The following VAV2 variants were observed in gnomAD, a reference collection of about 807,000 sequenced individuals.
VAV2 encodes the protein vav guanine nucleotide exchange factor 2, also known as guanine nucleotide exchange factor VAV2.
Under a neutral mutation model 132.5 loss-of-function variants are expected in VAV2, and 67 were observed. That is an observed-to-expected ratio of 0.51 (90% CI 0.42 to 0.62). VAV2 has a LOEUF of 0.62. Ranked by LOEUF, VAV2 falls within the 20% of genes least tolerant of loss-of-function variation. The pLI, the probability that VAV2 is intolerant of heterozygous loss-of-function variation, is 0.00. For synonymous variants in VAV2, 492 were observed against 443.5 expected (o/e 1.11, Z -1.37); for missense variants, 938 against 1,153.6 (o/e 0.81, Z 2.71).
rs1271186125 is a variant in VAV2, at chr9:133,884,075, C to T, written c.322-22643G>A. Among the ~76,000 whole-genome samples the T allele has an allele frequency of 6.7e-6, 1 of 149,622 alleles. No individual in the cohort carries two copies. Among genetic ancestry groups the T allele is most frequent in the Non-Finnish European group, 1.5e-5 (1 of 67,996 alleles). On this transcript the variant is annotated intron_variant, in intron 2 of 29. Coordinates refer to ENST00000371850, the MANE Select transcript of VAV2 (RefSeq NM_001134398.2). This position sits in a 1 kb window ranked among gnomAD's most constrained non-coding sequence, Gnocchi z 5.3. ...ACTTGAACCCGGGAGGCGGAGGTTG[C>T]AGCGAGGCGGAGGTTGCAGTGAGCT...
chr9:133,828,761 T>C (rs868473919), intron 4 of VAV2, among the ~76,000 whole-genome samples: 4 of 152,168 alleles, frequency 2.6e-5, no homozygotes, highest in Admixed American at 1.3e-4. Context: ...AATAGCACAA[T>C]ACGCTGGACT....
intron 2 of VAV2, among the ~76,000 whole-genome samples, chr9:133,878,994 T>A (rs1213382767): frequency 6.6e-6 from 1 of 151,974 alleles, no homozygotes; most frequent in Admixed American, 6.6e-5. Context: ...AGCAGGAGCA[T>A]GGTGGGGCAG....
At chr9:133,878,124 C>T (rs925318208) in intron 2 of VAV2, among the ~76,000 whole-genome samples, 2 of 152,184 alleles carry the variant, frequency 1.3e-5, no homozygotes, top group African/African-American at 4.8e-5. Flanking sequence ...CCAGTCTCAG[C>T]GTAGGGCTGA....
At chr9:133,942,267 G>A (rs963777600) in intron 1 of VAV2, among the ~76,000 whole-genome samples, 1 of 152,230 alleles carries the variant, frequency 6.6e-6, no homozygotes, top group Non-Finnish European at 1.5e-5. Flanking sequence ...CACAGCTGTG[G>A]GCCAGCCACT....
rs908167020 is a variant in VAV2 at position 133,863,876 on chromosome 9, C to T, written c.322-2444G>A. On this transcript the variant is annotated intron_variant, in intron 2 of 29. Coordinates refer to ENST00000371850, the MANE Select transcript of VAV2 (RefSeq NM_001134398.2). The surrounding 1 kb of genome is among the most constrained non-coding windows in gnomAD (Gnocchi z 5.0). ...GCCATGGGGTCAGATGGGGCAAAGCCGGCCCCATGTGAAACCCACTGGCCT... is the reference window on the plus strand; with the variant it reads ...GCCATGGGGTCAGATGGGGCAAAGCTGGCCCCATGTGAAACCCACTGGCCT... Among the ~76,000 whole-genome samples the T allele has an allele frequency of 6.6e-6, 1 of 152,100 alleles. No homozygotes were observed. Among genetic ancestry groups the T allele is most frequent in the South Asian group, 2.1e-4 (1 of 4,816 alleles).
chr9:133,950,902 G>A (rs1455904441), intron 1 of VAV2, among the ~76,000 whole-genome samples: 1 of 152,092 alleles, frequency 6.6e-6, no homozygotes, highest in Non-Finnish European at 1.5e-5. Flanking sequence ...TATCTCCAGC[G>A]CAATTGGACA....
At chr9:133,793,869 G>T (rs1415157913) in intron 12 of VAV2, among the ~76,000 whole-genome samples, 2 of 152,120 alleles carry the variant, frequency 1.3e-5, no homozygotes, top group Admixed American at 6.5e-5. Context: ...GTACAGCGAC[G>T]ACTCCCATAG....
At chr9:133,848,609 T>C (rs1406014132) in intron 3 of VAV2, among the ~76,000 whole-genome samples, 1 of 152,254 alleles carries the variant, frequency 6.6e-6, no homozygotes, top group African/African-American at 2.4e-5. Context: ...TCCTCTCTTG[T>C]CGAAACGCCG....
At chr9:133,811,230 CTG>C (rs1285622427) in intron 5 of VAV2, among the ~76,000 whole-genome samples, 1 of 152,222 alleles carries the variant, frequency 6.6e-6, no homozygotes. Flanking sequence ...AGTTTGGGGG[CTG>C]TGAGACCCCC....
At chr9:133,906,543 G>A (rs994190626) in intron 2 of VAV2, among the ~76,000 whole-genome samples, 3 of 151,928 alleles carry the variant, frequency 2.0e-5, no homozygotes, top group Non-Finnish European at 4.4e-5. Flanking sequence ...CACTGGGCCC[G>A]ATCAGCCGGC....
intron 1 of VAV2, among the ~76,000 whole-genome samples, chr9:133,982,085 G>T (rs563582519): frequency 1.6e-4 from 24 of 152,340 alleles, no homozygotes; most frequent in African/African-American, 4.8e-4. Context: ...GACTCGAGCA[G>T]GCCTGGGGGC....
At chr9:133,810,314 G>T in intron 5 of VAV2, 109 bp from the exon 6 acceptor site, 1 of 1,552,294 alleles carries the variant, frequency 6.4e-7, no homozygotes, top group Non-Finnish European at 8.8e-7. Context: ...CCAGCCAACA[G>T]ACCCAAAGCC....
At position 133,935,940 on chromosome 9, in the gene VAV2, C is replaced by T. The variant is rs115139770; in HGVS notation, c.321+3163G>A. The stretch of plus-strand genomic sequence containing the variant: ...TGACACACCACAGGCCACATTCACG[C>T]GGGCTCCAGGAGGCAAAGGGCATGG... On this transcript the variant is annotated intron_variant, in intron 2 of 29. Transcript: ENST00000371850. The surrounding 1 kb of genome is among the most constrained non-coding windows in gnomAD (Gnocchi z 5.2). Among the ~76,000 whole-genome samples, 130 of 152,318 alleles carry T rather than the reference C, an allele frequency of 8.5e-4. 1 individual carries two copies. Among genetic ancestry groups the T allele is most frequent in the African/African-American group, 2.9e-3 (122 of 41,576 alleles).
chr9:133,921,575 G>A (rs112657871), intron 2 of VAV2, among the ~76,000 whole-genome samples: 2,034 of 152,294 alleles, frequency 0.013, 32 homozygotes, highest in African/African-American at 0.046. Flanking sequence ...CTCCCTGCAG[G>A]CTGGGGAAAG....
At chr9:133,838,825 TGGTGAGTGGGTTGGTGGATGGATGAATG>T (rs1836588314) in intron 3 of VAV2, among the ~76,000 whole-genome samples, 1 of 83,770 alleles carries the variant, frequency 1.2e-5, no homozygotes, top group Non-Finnish European at 2.3e-5. Context: ...ATGGATAGGT[TGGTGAGTGGGTTGGTGGATGGATGAATG>T]GGTGGGTGGG....
At chr9:133,939,001 G>T in intron 2 of VAV2, 102 bp downstream of exon 2, 2 of 1,062,308 alleles carry the variant, frequency 1.9e-6, no homozygotes, top group Non-Finnish European at 2.9e-6. Flanking sequence ...GCTCTGTGTT[G>T]GAGCCAATCA....
At chr9:133,825,900 A>G (rs1397096407) in intron 4 of VAV2, among the ~76,000 whole-genome samples, 1 of 152,226 alleles carries the variant, frequency 6.6e-6, no homozygotes, top group Non-Finnish European at 1.5e-5. Flanking sequence ...AACTCCTTCT[A>G]CATTTTATGC....
intron 1 of VAV2, among the ~76,000 whole-genome samples, chr9:133,971,223 G>A (rs193131100): frequency 1.4e-4 from 21 of 152,320 alleles, no homozygotes; most frequent in Admixed American, 1.1e-3. Context: ...GCTGCTGTGA[G>A]GCCTGTCGGG....
At chr9:133,773,470 T>C (rs1833708145) in intron 25 of VAV2, among the ~76,000 whole-genome samples, 1 of 152,242 alleles carries the variant, frequency 6.6e-6, no homozygotes, top group African/African-American at 2.4e-5. Flanking sequence ...GAGGCTACAC[T>C]ACATTTATTT....
Sources: gnomAD v4.1 joint callset for allele counts (sites outside exome capture counted in the v4.1 genomes callset) on GRCh38, gnomAD v4.1.1 for gene constraint, Gnocchi (gnomAD v3.1) non-coding constraint, MANE v1.5 for transcripts, NCBI Gene and HGNC (gene_info 2026-07-23, HGNC 2026-07-21) for gene names.